The following ARMH3 variants were observed in gnomAD, a reference collection of about 807,000 sequenced individuals.
ARMH3 encodes armadillo-like helical domain-containing protein 3.
ARMH3 carries 60 observed loss-of-function variants against 99.1 expected under a neutral mutation model. The ratio of observed to expected loss-of-function variants is 0.61; its 90% CI spans 0.49 to 0.75. The LOEUF (loss-of-function observed/expected upper bound fraction) is 0.75. ARMH3 is among the 30% of genes least tolerant of loss of function. ARMH3 has a pLI of 0.00. For missense variants in ARMH3, 679 were observed against 843.1 expected (o/e 0.81, Z 2.41); for synonymous variants, 285 against 292.8 (o/e 0.97, Z 0.27).
chr10:101,871,576 T>C (rs1376003230), intron 24 of ARMH3, among the ~76,000 whole-genome samples: 1 of 152,140 alleles, frequency 6.6e-6, no homozygotes, highest in African/African-American at 2.4e-5. Context: ...GAGTAGTCTT[T>C]TCAACAAATG....
intron 24 of ARMH3, among the ~76,000 whole-genome samples, chr10:101,881,881 TACC>T (rs2067428308): frequency 1.3e-5 from 2 of 152,338 alleles, no homozygotes; most frequent in Non-Finnish European, 2.9e-5. Flanking sequence ...ATCCAATCCC[TACC>T]ACTCCTCTTT....
chr10:101,997,198 G>A (rs748248962), intron 15 of ARMH3, among the ~76,000 whole-genome samples: 8 of 152,094 alleles, frequency 5.3e-5, no homozygotes, highest in Admixed American at 6.6e-5. Context: ...CCACAAGGCA[G>A]AGGTTGCAGT....
chr10:102,048,489 C>T lies in ARMH3; in HGVS notation c.-12+7596G>A, dbSNP rs908153810. Among the ~76,000 whole-genome samples the T allele has an allele frequency of 2.0e-5, 3 of 152,184 alleles. No homozygotes were observed. The East Asian group carries it at 5.8e-4, about 29-fold the overall frequency. ...TCGCCCAGGCTGGAGTGCAATGGCA[C>T]GATTTCAGTTCACTGCAACCTCCGC... On this transcript the variant is annotated intron_variant, in intron 1 of 25. Coordinates refer to ENST00000370033, the MANE Select transcript of ARMH3 (RefSeq NM_024541.3).
chr10:101,920,116 T>A (rs193055179), intron 23 of ARMH3, among the ~76,000 whole-genome samples: 1 of 152,334 alleles, frequency 6.6e-6, no homozygotes, highest in Non-Finnish European at 1.5e-5. Context: ...GTCACTAAGA[T>A]GAGTGAGACA....
At chr10:101,938,847 C>A (rs1278121510) in intron 23 of ARMH3, among the ~76,000 whole-genome samples, 2 of 152,236 alleles carry the variant, frequency 1.3e-5, no homozygotes, top group Non-Finnish European at 1.5e-5. Flanking sequence ...CCAACCTTCA[C>A]TGCAATCTTG....
At chr10:102,030,152 C>A (rs753950008) in intron 4 of ARMH3, among the ~76,000 whole-genome samples, 9 of 152,002 alleles carry the variant, frequency 5.9e-5, no homozygotes, top group Admixed American at 4.6e-4. Flanking sequence ...AACACCTGGG[C>A]TCCAGTGATC....
rs372756288 is a variant in ARMH3 at position 102,041,312 on chromosome 10, A to C, written c.-11-1187T>G. Among the ~76,000 whole-genome samples, 5 of 151,316 alleles carry C rather than the reference A, an allele frequency of 3.3e-5. No individual in the cohort carries two copies. The East Asian group carries it at 9.7e-4, about 29-fold the overall frequency. ...CTTCACCTCCCAGGTTCTTTTCATTATTAACAAATTTCCTCTCTTTCCTTT... is the reference window on the plus strand; with the variant it reads ...CTTCACCTCCCAGGTTCTTTTCATTCTTAACAAATTTCCTCTCTTTCCTTT... On this transcript the variant is annotated intron_variant, in intron 1 of 25. Transcript: ENST00000370033.
intron 4 of ARMH3, 95 bp from the exon 5 acceptor site, chr10:102,029,840 T>C: frequency 8.3e-7 from 1 of 1,201,442 alleles, no homozygotes; most frequent in East Asian, 2.4e-5. Context: ...TGACACTGAA[T>C]AAATTCAATT....
At chr10:101,979,344 T>C (rs1038870030) in intron 19 of ARMH3, among the ~76,000 whole-genome samples, 11 of 152,338 alleles carry the variant, frequency 7.2e-5, no homozygotes, top group Middle Eastern at 3.4e-3. Flanking sequence ...GAAAATAGTA[T>C]GCTAAATTAA....
intron 6 of ARMH3, among the ~76,000 whole-genome samples, chr10:102,024,327 T>C (rs944345780): frequency 6.6e-6 from 1 of 151,722 alleles, no homozygotes; most frequent in African/African-American, 2.4e-5. Flanking sequence ...TACATGCCTG[T>C]AATCCCAGCT....
chr10:101,977,791 C>G (rs1846073757), intron 19 of ARMH3, among the ~76,000 whole-genome samples: 1 of 152,116 alleles, frequency 6.6e-6, no homozygotes, highest in Admixed American at 6.5e-5. Flanking sequence ...TCTCCTGAGC[C>G]CCCTCACCAT....
chr10:102,042,306 CA>C (rs1360412044), intron 1 of ARMH3, among the ~76,000 whole-genome samples: 2 of 152,182 alleles, frequency 1.3e-5, no homozygotes, highest in African/African-American at 4.8e-5. Flanking sequence ...GAGTGGGAAC[CA>C]CAAGTTCTTA....
chr10:101,995,148 G>T, intron 16 of ARMH3, 149 bp downstream of exon 16: 2 of 687,090 alleles, frequency 2.9e-6, no homozygotes, highest in East Asian at 5.1e-5. Flanking sequence ...CACTCTAGTG[G>T]GAGAAGACAG....
chr10:101,977,495 A>G (rs1455156705), intron 19 of ARMH3, among the ~76,000 whole-genome samples: 1 of 152,252 alleles, frequency 6.6e-6, no homozygotes, highest in Non-Finnish European at 1.5e-5. Context: ...AACAAATGAT[A>G]TAATAGAGTT....
chr10:102,019,586 G>C (rs1315403954), intron 8 of ARMH3, among the ~76,000 whole-genome samples: 2 of 152,094 alleles, frequency 1.3e-5, no homozygotes, highest in Admixed American at 1.3e-4. Flanking sequence ...GCTAATTTGT[G>C]TGTGTGTGTC....
chr10:101,859,362 C>T (rs1589916368), intron 24 of ARMH3, among the ~76,000 whole-genome samples: 1 of 152,226 alleles, frequency 6.6e-6, no homozygotes, highest in Admixed American at 6.5e-5. Flanking sequence ...GCAGGAAGGA[C>T]CAACCATTAG....
chr10:101,963,230 C>T (rs1273764497), intron 20 of ARMH3, among the ~76,000 whole-genome samples: 1 of 151,792 alleles, frequency 6.6e-6, no homozygotes, highest in Admixed American at 6.6e-5. Flanking sequence ...GCAACCTCCA[C>T]CTCCCGGGTT....
chr10:101,915,719 C>T (rs1843051230), intron 23 of ARMH3, among the ~76,000 whole-genome samples: 2 of 152,016 alleles, frequency 1.3e-5, no homozygotes, highest in Admixed American at 1.3e-4. Flanking sequence ...CTTTCTGCCC[C>T]AGTCTAAGTA....
At chr10:101,904,409 T>A (rs1177298633) in intron 23 of ARMH3, among the ~76,000 whole-genome samples, 1 of 152,056 alleles carries the variant, frequency 6.6e-6, no homozygotes, top group African/African-American at 2.4e-5. Context: ...AGTGAGGAGT[T>A]TTTTTTAAGG....
Sources: allele counts gnomAD v4.1 joint callset (sites outside exome capture counted in the v4.1 genomes callset), GRCh38; gene constraint gnomAD v4.1.1; transcripts MANE v1.5; gene names NCBI Gene and HGNC (gene_info 2026-07-23, HGNC 2026-07-21).